The following PLXNC1 variants were observed in gnomAD, a reference collection of about 807,000 sequenced individuals.
PLXNC1 encodes plexin-C1.
In PLXNC1, 75 loss-of-function variants were observed where a neutral mutation model predicts 178.2. The observed-to-expected ratio is 0.42, with a 90% confidence interval of 0.35 to 0.51. The LOEUF (loss-of-function observed/expected upper bound fraction) is 0.51. PLXNC1 is among the 20% of genes least tolerant of loss of function. The pLI is 0.02. For synonymous variants in PLXNC1, 790 were observed against 779.9 expected (o/e 1.01, Z -0.22); for missense variants, 1,503 against 1,984.4 (o/e 0.76, Z 4.61).
At chr12:94,169,323 T>G (rs756626257) in intron 2 of PLXNC1, 30 bp downstream of exon 2, 2 of 1,593,744 alleles carry the variant, frequency 1.3e-6, no homozygotes, top group Admixed American at 3.4e-5. Context: ...TTCAAATGTC[T>G]ATTTTAATGG....
chr12:94,257,831 T>C (rs916963622), intron 17 of PLXNC1, among the ~76,000 whole-genome samples: 20 of 151,990 alleles, frequency 1.3e-4, no homozygotes, highest in East Asian at 5.8e-4. Context: ...GGTGTGAACC[T>C]GGGAGGCGGA....
At chr12:94,193,858 G>A (rs1221703656) in intron 4 of PLXNC1, among the ~76,000 whole-genome samples, 4 of 152,202 alleles carry the variant, frequency 2.6e-5, no homozygotes, top group Non-Finnish European at 4.4e-5. Context: ...CATGGGAAAC[G>A]CGGGGGGTGG....
At chr12:94,156,461 G>C (rs1406045212) in intron 1 of PLXNC1, among the ~76,000 whole-genome samples, 3 of 146,112 alleles carry the variant, frequency 2.1e-5, no homozygotes, top group Admixed American at 7.1e-5. Flanking sequence ...GGCCTGCCTT[G>C]ATCCCCACTG....
chr12:94,182,731 G>GA lies in PLXNC1; in HGVS notation c.1338+1161dup, dbSNP rs926849041. ...CAGAGTGAGACTCTGTCTCAAAAAA[G>GA]AAAAAAAAAAGAAAGAAGAAGAAAA... On this transcript the variant is annotated intron_variant, in intron 3 of 30. Transcript: ENST00000258526. Among the ~76,000 whole-genome samples the GA allele has an allele frequency of 2.2e-3, 280 of 130,194 alleles. 3 individuals carry two copies. The highest frequency in any genetic ancestry group is 0.017 in the Admixed American group (218 of 13,204). The allele number at this position is 130,194 out of a possible 152,430, so 85.4% of individuals were successfully genotyped here.
chr12:94,272,845 A>C (rs1965663669), intron 21 of PLXNC1, among the ~76,000 whole-genome samples: 1 of 152,200 alleles, frequency 6.6e-6, no homozygotes, highest in Non-Finnish European at 1.5e-5. Context: ...TGTGGGGTTC[A>C]ATATCAAGCT....
At chr12:94,224,618 G>A (rs974466566) in intron 7 of PLXNC1, among the ~76,000 whole-genome samples, 21 of 152,080 alleles carry the variant, frequency 1.4e-4, no homozygotes, top group Non-Finnish European at 2.9e-4. Context: ...AAGAAGAAGG[G>A]ACAAGCCAGG....
rs1450346043 is a variant in PLXNC1, at chr12:94,266,509, G to A, written c.3597+1284G>A. On this transcript the variant is annotated intron_variant, in intron 21 of 30. Coordinates refer to ENST00000258526, the MANE Select transcript of PLXNC1 (RefSeq NM_005761.3). ...CGCTAGGCAGCATGCTGGAGTTTCC[G>A]ATGCAGTAAATCCAGGCTGTGGCCT... 2.0e-5 allele frequency among the ~76,000 whole-genome samples: 3 copies of A among 152,204 alleles called. No homozygotes were observed. In the East Asian group the frequency reaches 5.8e-4, roughly 29 times the overall value.
At chr12:94,177,185 ATG>A (rs1201622089) in intron 2 of PLXNC1, among the ~76,000 whole-genome samples, 106 of 32,758 alleles carry the variant, frequency 3.2e-3, no homozygotes, top group African/African-American at 0.011. Context: ...ACGTATATAT[ATG>A]TATATATATA....
chr12:94,260,936 T>C lies in PLXNC1; in HGVS notation c.3450+96T>C. On this transcript the variant is annotated intron_variant, in intron 20 of 30. Transcript: ENST00000258526. The surrounding 1 kb of genome is among the most constrained non-coding windows in gnomAD (Gnocchi z 4.4). ...CTTTGCCAGGATAAATCCTGAATGC[T>C]CGATGGTGTCAGCACTTAACCATGT... The C allele has an allele frequency of 3.0e-6, 3 of 1,006,048 alleles. No homozygotes were observed. Among genetic ancestry groups the C allele is most frequent in the Non-Finnish European group, 4.6e-6 (3 of 652,418 alleles). The allele number at this position is 1,006,048 out of a possible 1,614,324, so 62.3% of individuals were successfully genotyped here. A position where few individuals can be genotyped will look rare whatever the true frequency, so the allele number is the denominator to read the frequency against.
intron 5 of PLXNC1, among the ~76,000 whole-genome samples, chr12:94,215,177 C>T (rs968237396): frequency 2.0e-4 from 31 of 152,150 alleles, no homozygotes; most frequent in African/African-American, 7.2e-4. Flanking sequence ...GGATTACAGG[C>T]GTGAGCCACC....
chr12:94,303,909 A>G lies in PLXNC1; in HGVS notation c.4527+13A>G. 6.2e-7 allele frequency: 1 copy of G among 1,607,908 alleles called. No homozygotes were observed. Among genetic ancestry groups the G allele is most frequent in the Non-Finnish European group, 8.5e-7 (1 of 1,177,068 alleles). On this transcript the variant is annotated intron_variant, in intron 29 of 30. Transcript: ENST00000258526. ...TCAGGAATCTAAGGTATCATTAGAAAGCAGAAATAAGCTTATATTTGGTTA... is the reference window on the plus strand; with the variant it reads ...TCAGGAATCTAAGGTATCATTAGAAGGCAGAAATAAGCTTATATTTGGTTA...
At chr12:94,163,496 A>G (rs1961470234) in intron 1 of PLXNC1, among the ~76,000 whole-genome samples, 1 of 151,950 alleles carries the variant, frequency 6.6e-6, no homozygotes, top group African/African-American at 2.4e-5. Context: ...GAGGAGAAGG[A>G]GGTTGTGGGG....
chr12:94,171,121 G>A (rs900791184), intron 2 of PLXNC1, among the ~76,000 whole-genome samples: 15 of 152,224 alleles, frequency 9.9e-5, no homozygotes, highest in Non-Finnish European at 2.1e-4. Flanking sequence ...TTCCCCATGG[G>A]ATGGCCTGGT....
intron 20 of PLXNC1, among the ~76,000 whole-genome samples, chr12:94,261,891 C>T (rs1391024694): frequency 2.0e-5 from 3 of 152,072 alleles, no homozygotes; most frequent in African/African-American, 4.8e-5. Context: ...AATTTCTCAC[C>T]AACCCCTCCC....
At chr12:94,179,887 G>A (rs1431627471) in intron 2 of PLXNC1, among the ~76,000 whole-genome samples, 2 of 152,114 alleles carry the variant, frequency 1.3e-5, no homozygotes, top group African/African-American at 4.8e-5. Context: ...AATAAGGAAG[G>A]CACTATTAGC....
chr12:94,284,638 G>A (rs571303254), intron 23 of PLXNC1, among the ~76,000 whole-genome samples: 7 of 152,162 alleles, frequency 4.6e-5, no homozygotes, highest in Middle Eastern at 3.4e-3. Flanking sequence ...AGATGGGTAC[G>A]ATGAGGCTCT....
intron 5 of PLXNC1, among the ~76,000 whole-genome samples, chr12:94,213,273 T>C (rs548577968): frequency 1.2e-3 from 181 of 152,346 alleles, no homozygotes; most frequent in Admixed American, 3.9e-3. Flanking sequence ...CCACCAACAG[T>C]GTAAAAGTGT....
chr12:94,231,638 A>G (rs1964106963), intron 9 of PLXNC1, among the ~76,000 whole-genome samples: 1 of 152,202 alleles, frequency 6.6e-6, no homozygotes, highest in Non-Finnish European at 1.5e-5. Flanking sequence ...GTATAGCGTC[A>G]TCTGCCAAGG....
intron 29 of PLXNC1, 40 bp downstream of exon 29, chr12:94,303,936 T>C (rs1218017406): frequency 6.2e-7 from 1 of 1,607,814 alleles, no homozygotes; most frequent in Admixed American, 1.7e-5. Context: ...ATTTGGTTAC[T>C]TTACGTCATT....
Sources: allele counts gnomAD v4.1 joint callset (sites outside exome capture counted in the v4.1 genomes callset), GRCh38; gene constraint gnomAD v4.1.1; non-coding constraint Gnocchi (gnomAD v3.1); transcripts MANE v1.5; gene names NCBI Gene and HGNC (gene_info 2026-07-23, HGNC 2026-07-21).